The following LINGO2 variants were observed in gnomAD, a reference collection of about 807,000 sequenced individuals.
LINGO2 encodes leucine rich repeat and Ig domain containing 2.
Under a neutral mutation model 30.6 loss-of-function variants are expected in LINGO2, and 14 were observed. The ratio of observed to expected loss-of-function variants is 0.46; its 90% confidence interval spans 0.30 to 0.72. The LOEUF is 0.72. LINGO2 is among the 30% of genes least tolerant of loss of function. LINGO2 has a pLI of 0.07. For synonymous variants in LINGO2, 317 were observed against 288.5 expected (o/e 1.10, Z -1.00); for missense variants, 729 against 751.7 (o/e 0.97, Z 0.35).
At chr9:28,146,427 A>T (rs1827813860) in intron 4 of LINGO2, among the ~76,000 whole-genome samples, 1 of 152,258 alleles carries the variant, frequency 6.6e-6, no homozygotes, top group Admixed American at 6.5e-5. Context: ...CAGAGAAAGT[A>T]CAAATATTGA....
At chr9:28,051,073 A>G (rs1824649700) in intron 4 of LINGO2, among the ~76,000 whole-genome samples, 2 of 150,710 alleles carry the variant, frequency 1.3e-5, no homozygotes, top group South Asian at 4.2e-4. Context: ...TCCTTTCTCC[A>G]AGGTCGTCTT....
At chr9:28,492,832 A>AAACAAC (rs750571371) in intron 1 of LINGO2, among the ~76,000 whole-genome samples, 1 of 151,854 alleles carries the variant, frequency 6.6e-6, no homozygotes, top group African/African-American at 2.4e-5. Context: ...CCTAAAAGAA[A>AAACAAC]AACAACAACA....
the LINGO2 span, among the ~76,000 whole-genome samples, chr9:29,170,853 CT>C: frequency 1.3e-5 from 2 of 151,990 alleles, no homozygotes; most frequent in Non-Finnish European, 2.9e-5. Context: ...AAATATGACA[CT>C]TTTTTCTTTA....
chr9:28,008,611 A>G (rs909582655), intron 5 of LINGO2, among the ~76,000 whole-genome samples: 2 of 152,182 alleles, frequency 1.3e-5, no homozygotes, highest in Non-Finnish European at 2.9e-5. Flanking sequence ...AGAATACAAG[A>G]TCAATATAAA....
the LINGO2 span, among the ~76,000 whole-genome samples, chr9:28,840,321 A>G: frequency 6.6e-6 from 1 of 151,870 alleles, no homozygotes; most frequent in Admixed American, 6.5e-5. Flanking sequence ...TGCAGCCGGC[A>G]TCTTTGCAGC....
At chr9:29,153,146 G>A in the LINGO2 span, among the ~76,000 whole-genome samples, 1 of 151,948 alleles carries the variant, frequency 6.6e-6, no homozygotes, top group Non-Finnish European at 1.5e-5. Flanking sequence ...AGTTTTATTT[G>A]TGCCTATTCA....
At chr9:29,207,329 C>T in the LINGO2 span, among the ~76,000 whole-genome samples, 10 of 152,064 alleles carry the variant, frequency 6.6e-5, no homozygotes, top group African/African-American at 2.4e-4. Context: ...GTACCTGGAG[C>T]AATACAGTTT....
At chr9:28,935,928 A>G in the LINGO2 span, among the ~76,000 whole-genome samples, 112,434 of 151,902 alleles carry the variant, frequency 0.74, 41,761 homozygotes, top group Non-Finnish European at 0.78. Context: ...AAACAAAAGA[A>G]CTATGTTCTA....
chr9:28,001,508 C>A (rs1446500119), intron 5 of LINGO2, among the ~76,000 whole-genome samples: 1 of 150,090 alleles, frequency 6.7e-6, no homozygotes, highest in Non-Finnish European at 1.5e-5. Context: ...AAATATGCTC[C>A]CAATCTTCTG....
chr9:28,588,598 A>AAAAG (rs1824695301), intron 1 of LINGO2, among the ~76,000 whole-genome samples: 1 of 150,578 alleles, frequency 6.6e-6, no homozygotes, highest in African/African-American at 2.5e-5. Flanking sequence ...AGTTCAGGTT[A>AAAAG]AAACAAACAA....
chr9:28,736,241 T>A, the LINGO2 span, among the ~76,000 whole-genome samples: 1 of 152,146 alleles, frequency 6.6e-6, no homozygotes, highest in Admixed American at 6.6e-5. Flanking sequence ...GCCAATGGAC[T>A]CACCCTGACT....
At chr9:28,847,425 C>T in the LINGO2 span, among the ~76,000 whole-genome samples, 41 of 146,894 alleles carry the variant, frequency 2.8e-4, 6 homozygotes, top group African/African-American at 9.2e-4. Flanking sequence ...ATTTATGGCA[C>T]GTCATTTCAT....
chr9:29,137,596 G>C, the LINGO2 span, among the ~76,000 whole-genome samples: 1 of 152,074 alleles, frequency 6.6e-6, no homozygotes, highest in East Asian at 1.9e-4. Flanking sequence ...TCCTAAACAA[G>C]TGTTGTTTCT....
At chr9:28,878,991 A>T in the LINGO2 span, among the ~76,000 whole-genome samples, 2 of 152,170 alleles carry the variant, frequency 1.3e-5, no homozygotes, top group Non-Finnish European at 2.9e-5. Flanking sequence ...TGGCCAGGGC[A>T]ATTAGGCAGG....
chr9:29,019,346 T>A, the LINGO2 span, among the ~76,000 whole-genome samples: 2 of 152,174 alleles, frequency 1.3e-5, no homozygotes, highest in Non-Finnish European at 2.9e-5. Flanking sequence ...ATATGTTATA[T>A]CAGCAAACAC....
At chr9:29,175,882 T>C in the LINGO2 span, among the ~76,000 whole-genome samples, 247 of 152,290 alleles carry the variant, frequency 1.6e-3, no homozygotes, top group Middle Eastern at 6.8e-3. Flanking sequence ...TATCACAGCA[T>C]GCCACTTTCT....
At chr9:28,390,467 A>G (rs1821780086) in intron 2 of LINGO2, among the ~76,000 whole-genome samples, 1 of 152,152 alleles carries the variant, frequency 6.6e-6, no homozygotes, top group African/African-American at 2.4e-5. Context: ...CATGACAAAT[A>G]CTTTCAGCTT....
At chr9:29,085,689 T>C in the LINGO2 span, among the ~76,000 whole-genome samples, 8 of 152,136 alleles carry the variant, frequency 5.3e-5, no homozygotes, top group Non-Finnish European at 1.0e-4. Context: ...TAATAAAACC[T>C]AAACTTACTC....
the LINGO2 span, among the ~76,000 whole-genome samples, chr9:28,698,858 A>C: frequency 1.3e-5 from 2 of 151,980 alleles, no homozygotes; most frequent in Non-Finnish European, 2.9e-5. Flanking sequence ...CTTGGGCAAC[A>C]TCATGAGACT....
Sources: gnomAD v4.1 joint callset for allele counts (sites outside exome capture counted in the v4.1 genomes callset) on GRCh38, gnomAD v4.1.1 for gene constraint, MANE v1.5 for transcripts, NCBI Gene and HGNC (gene_info 2026-07-23, HGNC 2026-07-21) for gene names.